NIPBL: variants seen among roughly 807,000 people sequenced by gnomAD.
NIPBL encodes NIPBL cohesin loading factor, also known as nipped-B-like protein.
A neutral mutation model predicts 321.8 loss-of-function variants in NIPBL; 19 were observed. That is an observed-to-expected ratio of 0.06 (90% CI 0.04 to 0.09). The LOEUF (loss-of-function observed/expected upper bound fraction) is 0.09, where lower values mean the gene tolerates loss of function less well. NIPBL is among the 10% of genes least tolerant of loss of function. The pLI, the probability that NIPBL is intolerant of heterozygous loss-of-function variation, is 1.00. For missense variants in NIPBL, 2,210 were observed against 3,327.0 expected (o/e 0.66, Z 8.26); for synonymous variants, 1,106 against 1,114.1 (o/e 0.99, Z 0.14).
chr5:37,051,956 GCT>G, intron 41 of NIPBL, 70 bp downstream of exon 41: 1 of 1,067,198 alleles, frequency 9.4e-7, no homozygotes, highest in Non-Finnish European at 1.4e-6. Context: ...TTTGATAAAT[GCT>G]CTGCCCACAT....
At chr5:36,939,815 G>GAGGGTTCCTGATA (rs1738865977) in intron 1 of NIPBL, among the ~76,000 whole-genome samples, 1 of 152,096 alleles carries the variant, frequency 6.6e-6, no homozygotes, top group Non-Finnish European at 1.5e-5. Context: ...TTTTTATCAG[G>GAGGGTTCCTGATA]AACCCACTCC....
At chr5:36,952,057 C>T (rs406083) in intron 1 of NIPBL, among the ~76,000 whole-genome samples, 30,801 of 73,572 alleles carry the variant, frequency 0.42, 3,694 homozygotes, top group African/African-American at 0.49. Flanking sequence ...TGTGTGTGCG[C>T]GCGCGCGCGC....
At position 36,984,889 on chromosome 5, in the gene NIPBL, T is replaced by C; in HGVS notation, c.1709T>C (p.Ile570Thr). 1.9e-6 allele frequency: 3 copies of C among 1,613,756 alleles called. No individual in the cohort carries two copies. The highest frequency in any genetic ancestry group is 1.1e-5 in the South Asian group (1 of 91,070). The change falls in exon 10 of 47, where the codon ATC becomes ACC. Residue 570 changes from isoleucine to threonine, a missense_variant. Around this residue, in one of 14 missense-constraint regions of NIPBL, gnomAD observed 588 missense variants for 564.1 expected, o/e 1.04. Coordinates refer to ENST00000282516, the MANE Select transcript of NIPBL (RefSeq NM_133433.4). Reference protein sequence around the residue: ...DSDSIKKPEEIKQCNDAPVSV... With the variant: ...DSDSIKKPEETKQCNDAPVSV... ...GACTCCATAAAAAAGCCTGAAGAAA[T>C]CAAACAATGTAATGATGCACCTGTT...
At chr5:36,885,555 A>T in intron 1 of NIPBL, 1 of 529,196 alleles carries the variant, frequency 1.9e-6, no homozygotes, top group South Asian at 1.4e-5. Flanking sequence ...CACCTGGAGA[A>T]GAAGGGACCC....
chr5:36,936,164 A>G lies in NIPBL; in HGVS notation c.-79-17454A>G, dbSNP rs538691753. On this transcript the variant is annotated intron_variant, in intron 1 of 46. Transcript: ENST00000282516. The stretch of plus-strand genomic sequence containing the variant: ...TTCTGTGTGATTATGGTATTATTTG[A>G]TATATAGTTGGGTTTGTTTGTTGCT... Among the ~76,000 whole-genome samples, 3 of 152,186 alleles carry G rather than the reference A, an allele frequency of 2.0e-5. No individual in the cohort carries two copies. The East Asian group carries it at 5.8e-4, about 29-fold the overall frequency.
intron 1 of NIPBL, among the ~76,000 whole-genome samples, chr5:36,912,585 T>C (rs1488368864): frequency 6.6e-6 from 1 of 150,564 alleles, no homozygotes; most frequent in African/African-American, 2.4e-5. Flanking sequence ...CACTGCAAGC[T>C]CCGCCTCCCG....
intron 1 of NIPBL, among the ~76,000 whole-genome samples, chr5:36,900,364 T>G (rs535445691): frequency 6.6e-6 from 1 of 152,188 alleles, no homozygotes; most frequent in Non-Finnish European, 1.5e-5. Flanking sequence ...TTAGAGACTT[T>G]AGCGTCCATG....
chr5:36,981,865 C>T (rs1034569984), intron 9 of NIPBL, among the ~76,000 whole-genome samples: 12 of 151,586 alleles, frequency 7.9e-5, no homozygotes, highest in Admixed American at 5.3e-4. Flanking sequence ...AATAAGAGAC[C>T]GGGATTTTGG....
At chr5:36,882,474 A>G (rs1193922241) in intron 1 of NIPBL, among the ~76,000 whole-genome samples, 1 of 151,976 alleles carries the variant, frequency 6.6e-6, no homozygotes, top group East Asian at 1.9e-4. Flanking sequence ...CACAACTAAT[A>G]AGTTCAAGAC....
chr5:36,985,375 G>A lies in NIPBL; in HGVS notation c.2195G>A (p.Arg732Lys). 1 of 1,613,646 alleles carries A rather than the reference G, an allele frequency of 6.2e-7. No homozygotes were observed. Among genetic ancestry groups the A allele is most frequent in the East Asian group, 2.2e-5 (1 of 44,874 alleles). ...PETPKQKGDG[R>K]PETPKQKGES... ...ACCCCAAAACAGAAGGGTGATGGAAGGCCTGAAACTCCAAAGCAAAAAGGT... is the reference window on the plus strand; with the variant it reads ...ACCCCAAAACAGAAGGGTGATGGAAAGCCTGAAACTCCAAAGCAAAAAGGT... The change falls in exon 10 of 47, where the codon AGG becomes AAG. Residue 732 changes from arginine to lysine, a missense_variant. Physicochemically the swap from Arg to Lys is conservative, Grantham distance 26. Around this residue, in one of 14 missense-constraint regions of NIPBL, gnomAD observed 588 missense variants for 564.1 expected, o/e 1.04. Transcript: ENST00000282516.
chr5:36,878,222 C>G (rs1342167562), intron 1 of NIPBL, among the ~76,000 whole-genome samples: 1 of 152,136 alleles, frequency 6.6e-6, no homozygotes, highest in Admixed American at 6.5e-5. Flanking sequence ...CAGGGCAGTT[C>G]TTCTTGAGGT....
intron 1 of NIPBL, among the ~76,000 whole-genome samples, chr5:36,883,261 A>T (rs574002461): frequency 1.8e-4 from 28 of 152,050 alleles, no homozygotes; most frequent in African/African-American, 6.3e-4. Context: ...ATATCTCTTA[A>T]CATGCATATA....
chr5:37,003,010 G>A (rs1580443397), intron 15 of NIPBL, among the ~76,000 whole-genome samples: 1 of 144,168 alleles, frequency 6.9e-6, no homozygotes, highest in South Asian at 2.2e-4. Context: ...TTTTTCCAGA[G>A]TTTTTTTTTT....
intron 6 of NIPBL, among the ~76,000 whole-genome samples, chr5:36,963,849 T>C (rs1741904333): frequency 6.6e-6 from 1 of 152,088 alleles, no homozygotes; most frequent in South Asian, 2.1e-4. Context: ...AACATACATA[T>C]CTATGTGTAT....
At chr5:36,973,588 C>T (rs1485584979) in intron 8 of NIPBL, among the ~76,000 whole-genome samples, 1 of 152,144 alleles carries the variant, frequency 6.6e-6, no homozygotes, top group African/African-American at 2.4e-5. Flanking sequence ...CTGCCTCAGC[C>T]TCCTGAGTAG....
intron 1 of NIPBL, among the ~76,000 whole-genome samples, chr5:36,883,404 G>T (rs1426811670): frequency 1.3e-5 from 2 of 151,728 alleles, no homozygotes; most frequent in African/African-American, 4.8e-5. Flanking sequence ...AAATGCAGAA[G>T]CTGTGACATA....
In NIPBL at chr5:37,027,412, C is replaced by T. The variant is rs759401891; in HGVS notation, c.5862C>T (p.Asn1954=). The stretch of plus-strand genomic sequence containing the variant: ...ACTGGTTTGAGCAACTGCTTCAAAA[C>T]GTGAGTGTTCTTTTGACTCCTGATA... ...GYDWFEQLLQ[N]LLKSEEDSSY... The change falls in exon 32 of 47, where the codon AAC becomes AAT. Residue 1954 remains asparagine, a splice_region_variant and synonymous_variant. Transcript: ENST00000282516. The T allele has an allele frequency of 5.0e-6, 8 of 1,609,996 alleles. No individual in the cohort carries two copies. Among genetic ancestry groups the T allele is most frequent in the East Asian group, 2.2e-5 (1 of 44,804 alleles).
intron 1 of NIPBL, among the ~76,000 whole-genome samples, chr5:36,879,175 A>T (rs1580126693): frequency 6.6e-6 from 1 of 152,336 alleles, no homozygotes; most frequent in East Asian, 1.9e-4. Flanking sequence ...TTTACTAAAG[A>T]TAATAGAGGA....
chr5:36,933,380 T>C lies in NIPBL; in HGVS notation c.-79-20238T>C, dbSNP rs181731531. Among the ~76,000 whole-genome samples the C allele has an allele frequency of 1.4e-3, 218 of 152,170 alleles. No homozygotes were observed. In the Middle Eastern group the frequency reaches 0.031, roughly 21 times the overall value. ...CTGTGATTCTGTTTGGTCAAAAGGG[T>C]CTGTGGAAATAATACTTGATATGTT... On this transcript the variant is annotated intron_variant, in intron 1 of 46. Coordinates refer to ENST00000282516, the MANE Select transcript of NIPBL (RefSeq NM_133433.4).
Sources: allele counts gnomAD v4.1 joint callset (sites outside exome capture counted in the v4.1 genomes callset), GRCh38; gene constraint gnomAD v4.1.1; regional missense constraint gnomAD v4.1.1; transcripts MANE v1.5; gene names NCBI Gene and HGNC (gene_info 2026-07-23, HGNC 2026-07-21).